Variants in SULT6B1 observed in about 807,000 individuals in gnomAD.
The protein encoded by SULT6B1 is sulfotransferase 6B1.
SULT6B1 carries 44 observed loss-of-function variants against 37.2 expected under a neutral mutation model. That is an observed-to-expected ratio of 1.18 (90% CI 0.93 to 1.52). SULT6B1 has a LOEUF of 1.52. Among genes scored for constraint, SULT6B1 ranks in the 40% most tolerant of loss-of-function variants. SULT6B1 has a pLI of 0.00. For synonymous variants in SULT6B1, 140 were observed against 126.0 expected, an observed-to-expected ratio of 1.11 and a Z score of -0.74; for missense variants, 450 against 361.0, an observed-to-expected ratio of 1.25 and a Z score of -2.00.
chr2:37,187,946 C>G (rs1387973544), intron 1 of SULT6B1, among the ~76,000 whole-genome samples: 4 of 152,204 alleles, frequency 2.6e-5, no homozygotes, highest in African/African-American at 9.7e-5. Context: ...GCAGGATCAT[C>G]TAGATTCTTC....
chr2:37,184,725 A>C (rs1412513043), intron 2 of SULT6B1, among the ~76,000 whole-genome samples: 1 of 152,126 alleles, frequency 6.6e-6, no homozygotes, highest in Non-Finnish European at 1.5e-5. Context: ...CCAGCTACTC[A>C]GGAGGCTGAG....
chr2:37,188,611 G>A lies in SULT6B1; in HGVS notation c.30C>T (p.Tyr10=), dbSNP rs915271541. The A allele has an allele frequency of 4.1e-6, 6 of 1,447,608 alleles. No homozygotes were observed. The African/African-American group carries it at 7.0e-5, about 17-fold the overall frequency. The allele number at this position is 1,447,608 out of a possible 1,614,324, so 89.7% of individuals were successfully genotyped here. Reference sequence around the variant, plus strand: ...TTGATTTTTCTAAAGCTTCGTCAATGTATTCAATAAATTTGGATTTATCAG... The same window carrying A: ...TTGATTTTTCTAAAGCTTCGTCAATATATTCAATAAATTTGGATTTATCAG... MADKSKFIE[Y]IDEALEKSKE... is the part of the protein sequence containing the mutation. The change falls in exon 1 of 7, where the codon TAC becomes TAT. Residue 10 remains tyrosine (Y), a synonymous_variant. Transcript: ENST00000535679.
upstream of SULT6B1, chr2:37,189,784 G>A (rs1449428293): frequency 6.6e-6 from 1 of 152,222 alleles, no homozygotes. Context: ...CTTTGGGTAA[G>A]TTGGCCCACA....
intron 6 of SULT6B1, 147 bp from the exon 7 acceptor site, chr2:37,168,212 C>T (rs917447298): frequency 8.0e-6 from 6 of 753,278 alleles, no homozygotes; most frequent in South Asian, 7.6e-5. Context: ...TTTTTTCAGA[C>T]GGTGTCTCGC....
chr2:37,174,512 A>G (rs1676372613), intron 5 of SULT6B1, among the ~76,000 whole-genome samples: 1 of 152,026 alleles, frequency 6.6e-6, no homozygotes, highest in Non-Finnish European at 1.5e-5. Flanking sequence ...ATCATATTTT[A>G]CACTGGAATT....
At chr2:37,191,432 C>T (rs1367295276), upstream of SULT6B1, among the ~76,000 whole-genome samples, 1 of 152,206 alleles carries the variant, frequency 6.6e-6, no homozygotes, top group African/African-American at 2.4e-5. Flanking sequence ...CCCCTGCCTA[C>T]TCAGGCCCAT....
intron 3 of SULT6B1, among the ~76,000 whole-genome samples, chr2:37,181,742 C>A (rs759683687): frequency 1.3e-5 from 2 of 152,136 alleles, no homozygotes; most frequent in Non-Finnish European, 2.9e-5. Context: ...CAAAAGCCTG[C>A]GTGCCCCAAG....
At chr2:37,189,392 T>G (rs1676738624), upstream of SULT6B1, among the ~76,000 whole-genome samples, 1 of 152,070 alleles carries the variant, frequency 6.6e-6, no homozygotes, top group Non-Finnish European at 1.5e-5. Context: ...GAGTGGAAGT[T>G]TATTAAAAGC....
chr2:37,193,294 T>TAAA (rs55842015), upstream of SULT6B1, among the ~76,000 whole-genome samples: 13 of 131,354 alleles, frequency 9.9e-5, 1 homozygote, highest in East Asian at 6.7e-4. Context: ...TGTCTCTACT[T>TAAA]AAAAAAAAAA....
intron 2 of SULT6B1, 66 bp from the exon 3 acceptor site, chr2:37,183,580 A>T (rs1676603225): frequency 1.6e-6 from 2 of 1,224,850 alleles, no homozygotes; most frequent in South Asian, 1.2e-5. Flanking sequence ...GTGTTGAATC[A>T]CTCCTAGGTT....
In SULT6B1 at chr2:37,179,548, C is replaced by A; in HGVS notation, c.439G>T (p.Val147Leu). The A allele has an allele frequency of 6.2e-7, 1 of 1,613,642 alleles. No individual in the cohort carries two copies. The highest frequency in any genetic ancestry group is 8.5e-7 in the Non-Finnish European group (1 of 1,179,840). Residue 147 changes from valine to leucine, a missense_variant, in exon 4 of 7, where the codon GTA becomes TTA. Coordinates refer to ENST00000535679, the MANE Select transcript of SULT6B1 (RefSeq NM_001367551.1). ...VIFRNPKDTA[V>L]SFLHFHNDVP... ...TCGTTGTGGAAATGCAAAAAAGATA[C>A]TGCTGTATCTTTAGGGTTTCGAAAT...
At chr2:37,172,097 G>C (rs1178868869) in intron 5 of SULT6B1, among the ~76,000 whole-genome samples, 1 of 150,070 alleles carries the variant, frequency 6.7e-6, no homozygotes, top group East Asian at 1.9e-4. Context: ...GCCCAGACTA[G>C]AGTGGTGCAA....
intron 5 of SULT6B1, among the ~76,000 whole-genome samples, chr2:37,173,388 C>A (rs1676346720): frequency 6.6e-6 from 1 of 152,098 alleles, no homozygotes; most frequent in African/African-American, 2.4e-5. Flanking sequence ...TATCTATATA[C>A]CTACGTATAT....
chr2:37,176,021 A>T (rs1034435736), intron 4 of SULT6B1, among the ~76,000 whole-genome samples: 1 of 152,158 alleles, frequency 6.6e-6, no homozygotes, highest in Non-Finnish European at 1.5e-5. Flanking sequence ...CACCAGTCCC[A>T]TTCAAGTCCC....
chr2:37,178,668 C>G (rs1490747645), intron 4 of SULT6B1, among the ~76,000 whole-genome samples: 5 of 152,166 alleles, frequency 3.3e-5, no homozygotes, highest in African/African-American at 1.2e-4. Flanking sequence ...TTAATAGACA[C>G]TTAGAGTTAT....
chr2:37,175,543 A>T (rs982122608), intron 4 of SULT6B1, among the ~76,000 whole-genome samples: 2 of 152,238 alleles, frequency 1.3e-5, no homozygotes, highest in Non-Finnish European at 2.9e-5. Flanking sequence ...TGAATGACAC[A>T]TGAAATCCGA....
intron 3 of SULT6B1, among the ~76,000 whole-genome samples, chr2:37,181,802 G>A (rs1676556527): frequency 6.6e-6 from 1 of 152,092 alleles, no homozygotes. Flanking sequence ...GAGACACTAA[G>A]GAAAAATGTG....
rs377674901 is a variant in SULT6B1, at chr2:37,168,088, G to C, written c.782-23C>G. 3.9e-6 allele frequency: 6 copies of C among 1,554,160 alleles called. No homozygotes were observed. In the Admixed American group the frequency reaches 1.1e-4, roughly 29 times the overall value. On this transcript the variant is annotated intron_variant, in intron 6 of 6. Transcript: ENST00000535679. ...CACCTACAACACACAAAAAACAGTA[G>C]ACCCAGATATCTGTTAGAATATTTC... is the stretch of plus-strand genomic sequence containing the variant.
Position 37,188,600 on chromosome 2 carries a change from G to A in SULT6B1, c.41C>T (p.Ala14Val), listed in dbSNP as rs763908088. The A allele has an allele frequency of 1.3e-6, 2 of 1,515,392 alleles. No homozygotes were observed. Among genetic ancestry groups the A allele is most frequent in the Admixed American group, 3.4e-5 (2 of 59,594 alleles). 93.9% of individuals were successfully genotyped at this position (1,515,392 alleles called of 1,614,324 possible). ...TGCAGTTTCTTTTGATTTTTCTAAA[G>A]CTTCGTCAATGTATTCAATAAATTT... ...KSKFIEYIDE[A>V]LEKSKETALS... The change falls in exon 1 of 7, where the codon GCT becomes GTT. Residue 14 changes from alanine (A) to valine (V), a missense_variant. Ala to Val is a moderately conservative substitution (Grantham distance 64, BLOSUM62 0). Coordinates refer to ENST00000535679, the MANE Select transcript of SULT6B1 (RefSeq NM_001367551.1).
Sources: gnomAD v4.1 joint callset for allele counts (sites outside exome capture counted in the v4.1 genomes callset) on GRCh38, gnomAD v4.1.1 for gene constraint, MANE v1.5 for transcripts, NCBI Gene and HGNC (gene_info 2026-07-23, HGNC 2026-07-21) for gene names.